Variants in THBS4 observed in about 807,000 individuals in gnomAD.
The protein encoded by THBS4 is thrombospondin 4, also known as thrombospondin-4.
Under a neutral mutation model 115.7 loss-of-function variants are expected in THBS4, and 90 were observed. The observed-to-expected ratio is 0.78, with a 90% confidence interval of 0.66 to 0.93. THBS4 has a LOEUF of 0.93. Ranked by LOEUF, THBS4 falls within the 40% of genes least tolerant of loss-of-function variation. The pLI, the probability that THBS4 is intolerant of heterozygous loss-of-function variation, is 0.00. For missense variants in THBS4, 1,087 were observed against 1,232.7 expected (o/e 0.88, Z 1.77); for synonymous variants, 460 against 479.3 (o/e 0.96, Z 0.53).
At chr5:79,997,360 A>T (rs1831815408) in intron 1 of THBS4, among the ~76,000 whole-genome samples, 1 of 152,070 alleles carries the variant, frequency 6.6e-6, no homozygotes, top group African/African-American at 2.4e-5. Flanking sequence ...GCAAACATTG[A>T]TCAGGAAAAA....
At chr5:80,082,650 C>G in intron 21 of THBS4, 105 bp downstream of exon 21, 1 of 1,388,892 alleles carries the variant, frequency 7.2e-7, no homozygotes, top group Non-Finnish European at 1.0e-6. Context: ...AACGCTCATA[C>G]CACATAGTCA....
chr5:80,040,402 GT>G, intron 2 of THBS4, 122 bp downstream of exon 2: 2 of 453,490 alleles, frequency 4.4e-6, no homozygotes, highest in Non-Finnish European at 7.1e-6. Flanking sequence ...AGTCATTTCA[GT>G]TTTTAATACT....
intron 2 of THBS4, among the ~76,000 whole-genome samples, chr5:80,041,646 G>A (rs991385994): frequency 6.6e-6 from 1 of 152,154 alleles, no homozygotes; most frequent in African/African-American, 2.4e-5. Context: ...TTGCCGTAGT[G>A]AGTTACTATA....
rs879047995 is a variant in THBS4 at position 80,070,420 on chromosome 5, G to T, written c.1452+10G>T. 6.2e-7 allele frequency: 1 copy of T among 1,613,342 alleles called. No individual in the cohort carries two copies. On this transcript the variant is annotated intron_variant, in intron 11 of 21. Transcript: ENST00000350881. ...CAGGAACTGTAAAAAGGTAAGGGGT[G>T]TGGGGTGGCAGTAGGCACACATGCA...
chr5:80,034,705 G>A (rs555219794), upstream of THBS4, among the ~76,000 whole-genome samples: 3 of 152,322 alleles, frequency 2.0e-5, no homozygotes, highest in African/African-American at 7.2e-5. Context: ...AAATGGCTCT[G>A]TCTGGATGGA....
intron 6 of THBS4, 63 bp downstream of exon 6, chr5:80,059,554 C>T (rs933039525): frequency 3.6e-5 from 57 of 1,603,476 alleles, no homozygotes; most frequent in Non-Finnish European, 3.9e-5. Flanking sequence ...GAAGGGCTTG[C>T]GGTGAGGCTG....
At chr5:80,008,040 A>G (rs948995842) in intron 2 of THBS4, among the ~76,000 whole-genome samples, 1 of 152,216 alleles carries the variant, frequency 6.6e-6, no homozygotes, top group Non-Finnish European at 1.5e-5. Context: ...GCACAGCATA[A>G]AAGCATTAAA....
chr5:80,070,278 A>G, intron 10 of THBS4, 28 bp from the exon 11 acceptor site: 1 of 1,532,538 alleles, frequency 6.5e-7, no homozygotes, highest in Middle Eastern at 2.0e-4. Context: ...TCAGCTTCCC[A>G]GGCCTCTGAT....
chr5:80,065,288 C>G, intron 8 of THBS4, 121 bp from the exon 9 acceptor site: 1 of 787,250 alleles, frequency 1.3e-6, no homozygotes, highest in Non-Finnish European at 2.1e-6. Flanking sequence ...CTCAGATTAC[C>G]ATTCTACCCG....
chr5:80,058,377 C>T (rs890968033), intron 4 of THBS4, 63 bp downstream of exon 4: 15 of 1,252,776 alleles, frequency 1.2e-5, no homozygotes, highest in Admixed American at 4.2e-5. Context: ...CCTGAATAGG[C>T]TGGGTCCCAT....
Position 80,035,908 on chromosome 5 carries a change from C to A in THBS4, c.88+283C>A. The A allele has an allele frequency of 1.0e-6, 1 of 963,230 alleles. No individual in the cohort carries two copies. Among genetic ancestry groups the A allele is most frequent in the Non-Finnish European group, 1.3e-6 (1 of 769,194 alleles). 59.7% of individuals were successfully genotyped at this position (963,230 alleles called of 1,614,324 possible). A position where few individuals can be genotyped will look rare whatever the true frequency, so the allele number is the denominator to read the frequency against. Reference sequence around the variant, plus strand: ...GGGGTGGGGTTGCCTTCAAAACTTGCTACACGGTCCTAGACCTCTTAACAT... The same window carrying A: ...GGGGTGGGGTTGCCTTCAAAACTTGATACACGGTCCTAGACCTCTTAACAT... On this transcript the variant is annotated intron_variant, in intron 1 of 21. Transcript: ENST00000350881. This position sits in a 1 kb window ranked among gnomAD's most constrained non-coding sequence, Gnocchi z 4.6.
At chr5:80,049,074 C>T in intron 2 of THBS4, among the ~76,000 whole-genome samples, 1 of 152,188 alleles carries the variant, frequency 6.6e-6, no homozygotes, top group East Asian at 1.9e-4. Context: ...CTCCTTTGCC[C>T]AAGCAGACAA....
At chr5:80,039,434 G>T (rs1832822742) in intron 1 of THBS4, among the ~76,000 whole-genome samples, 1 of 152,216 alleles carries the variant, frequency 6.6e-6, no homozygotes, top group South Asian at 2.1e-4. Context: ...AATTCTATCA[G>T]TCAAGAGACA....
rs749108048 is a variant in THBS4, at chr5:80,039,101, C to G, written c.89-976C>G. On this transcript the variant is annotated intron_variant, in intron 1 of 21. Coordinates refer to ENST00000350881, the MANE Select transcript of THBS4 (RefSeq NM_003248.6). ...CCCATTTTTCTATTAAGATGCTTAT[C>G]ATTTTATTGATTTGTAAGAACTCTT... Among the ~76,000 whole-genome samples, 151 of 152,260 alleles carry G rather than the reference C, an allele frequency of 9.9e-4. 1 individual carries two copies. The highest frequency in any genetic ancestry group is 2.0e-3 in the Non-Finnish European group (134 of 68,012).
chr5:80,078,365 T>A (rs1743321718), intron 17 of THBS4, 138 bp downstream of exon 17: 2 of 644,026 alleles, frequency 3.1e-6, no homozygotes, highest in Non-Finnish European at 4.8e-6. Context: ...AACAGCCCTA[T>A]GACAGACTAC....
At chr5:80,021,149 G>A (rs778107501) in intron 2 of THBS4, among the ~76,000 whole-genome samples, 23 of 152,148 alleles carry the variant, frequency 1.5e-4, no homozygotes, top group Non-Finnish European at 1.9e-4. Context: ...TGTTGCAGTG[G>A]TTCTCGAAAT....
chr5:80,035,478 C>A lies in THBS4; in HGVS notation c.-60C>A, dbSNP rs1446068297. The A allele has an allele frequency of 7.4e-6, 9 of 1,209,512 alleles. No individual in the cohort carries two copies. The South Asian group carries it at 1.4e-4, about 19-fold the overall frequency. The allele number at this position is 1,209,512 out of a possible 1,614,324, so 74.9% of individuals were successfully genotyped here. ...GAGGTTCAACGCACGGCCCGGGGAC[C>A]CCCAGGCGGGGCCAACGCCGCCGTC... On this transcript the variant is annotated 5_prime_UTR_variant, in exon 1 of 22. Coordinates refer to ENST00000350881, the MANE Select transcript of THBS4 (RefSeq NM_003248.6). This position sits in a 1 kb window ranked among gnomAD's most constrained non-coding sequence, Gnocchi z 4.6.
chr5:80,042,909 T>G (rs140908471), intron 2 of THBS4, among the ~76,000 whole-genome samples: 75 of 152,058 alleles, frequency 4.9e-4, no homozygotes, highest in African/African-American at 1.8e-3. Context: ...GAGGTTGCAG[T>G]GAGCTGAGAT....
At chr5:80,040,952 C>A (rs1832879658) in intron 2 of THBS4, among the ~76,000 whole-genome samples, 2 of 152,170 alleles carry the variant, frequency 1.3e-5, no homozygotes. Context: ...AGAACTAATT[C>A]ATTCCCTTGA....
Sources: allele counts gnomAD v4.1 joint callset (sites outside exome capture counted in the v4.1 genomes callset), GRCh38; gene constraint gnomAD v4.1.1; non-coding constraint Gnocchi (gnomAD v3.1); transcripts MANE v1.5; gene names NCBI Gene and HGNC (gene_info 2026-07-23, HGNC 2026-07-21).